Variants in COL24A1 observed in about 807,000 individuals in gnomAD.
COL24A1 encodes the protein collagen alpha-1(XXIV) chain.
In COL24A1, 224 loss-of-function variants were observed where a neutral mutation model predicts 253.9. That is an observed-to-expected ratio of 0.88 (90% confidence interval 0.79 to 0.99). The LOEUF (loss-of-function observed/expected upper bound fraction) is 0.99, where lower values mean the gene tolerates loss of function less well. Ranked by LOEUF, COL24A1 falls within the 50% of genes least tolerant of loss-of-function variation. COL24A1 has a pLI of 0.00. For synonymous variants in COL24A1, 685 were observed against 673.7 expected, an observed-to-expected ratio of 1.02 and a Z score of -0.26; for missense variants, 2,131 against 2,068.5, an observed-to-expected ratio of 1.03 and a Z score of -0.59.
chr1:85,774,838 A>G (rs2101419117), intron 53 of COL24A1, among the ~76,000 whole-genome samples: 1 of 152,082 alleles, frequency 6.6e-6, no homozygotes, highest in East Asian at 1.9e-4. Flanking sequence ...GGATTCATTG[A>G]TTTCTTGAAG....
At chr1:86,119,321 A>G (rs1430057400) in intron 3 of COL24A1, among the ~76,000 whole-genome samples, 1 of 144,960 alleles carries the variant, frequency 6.9e-6, no homozygotes, top group Non-Finnish European at 1.5e-5. Context: ...CCTTGGATAC[A>G]TATTAGTCTT....
chr1:85,907,109 A>G (rs769645710), intron 28 of COL24A1, 85 bp downstream of exon 28: 11 of 1,044,274 alleles, frequency 1.1e-5, no homozygotes, highest in African/African-American at 3.1e-5. Context: ...TCTAGAAGGT[A>G]TGATGCTATT....
In COL24A1 at chr1:85,959,311, T is replaced by C. The variant is rs551317691; in HGVS notation, c.2562+1938A>G. Among the ~76,000 whole-genome samples the C allele has an allele frequency of 3.3e-5, 5 of 152,256 alleles. No individual in the cohort carries two copies. In the East Asian group the frequency reaches 7.7e-4, roughly 23 times the overall value. On this transcript the variant is annotated intron_variant, in intron 24 of 59. Transcript: ENST00000370571. ...TTTTTAAAGAAGGCTTCATGTGCCA[T>C]CCTTAACAAGAAAGATAGAATCTCA...
chr1:85,990,004 G>C (rs571648929), intron 19 of COL24A1, among the ~76,000 whole-genome samples: 47 of 152,270 alleles, frequency 3.1e-4, no homozygotes, highest in African/African-American at 1.1e-3. Context: ...TTTGAGTGCA[G>C]TTTTATGTTA....
rs775488559 is a variant in COL24A1, at chr1:86,124,932, C to T, written c.1404G>A (p.Glu468=). 3 of 1,611,944 alleles carry T rather than the reference C, an allele frequency of 1.9e-6. No homozygotes were observed. Among genetic ancestry groups the T allele is most frequent in the African/African-American group, 2.7e-5 (2 of 74,646 alleles). Residue 468 remains glutamate, a synonymous_variant, in exon 3 of 60, where the codon GAG becomes GAA. Coordinates refer to ENST00000370571, the MANE Select transcript of COL24A1 (RefSeq NM_152890.7). The part of the protein sequence containing the change: ...TYPIENSYET[E]LYDYYYYEDL... ...CCTCATAATAATAATAATCATAAAG[C>T]TCAGTTTCATAGCTATTTTCGATGG... is the stretch of plus-strand genomic sequence containing the variant.
rs191948513 is a variant in COL24A1 at position 85,908,837 on chromosome 1, A to G, written c.2671-186T>C. Reference sequence around the variant, plus strand: ...AGATAGACCATAGAAATAAAAAAAAATTTTCTGTAGTTTTATTTACATAGA... The same window carrying G: ...AGATAGACCATAGAAATAAAAAAAAGTTTTCTGTAGTTTTATTTACATAGA... On this transcript the variant is annotated intron_variant, in intron 26 of 59. Coordinates refer to ENST00000370571, the MANE Select transcript of COL24A1 (RefSeq NM_152890.7). Among the ~76,000 whole-genome samples, 42 of 151,884 alleles carry G rather than the reference A, an allele frequency of 2.8e-4. 1 individual carries two copies. In the East Asian group the frequency reaches 7.5e-3, roughly 27 times the overall value.
intron 20 of COL24A1, among the ~76,000 whole-genome samples, chr1:85,979,228 T>G (rs1186591404): frequency 6.6e-6 from 1 of 151,812 alleles, no homozygotes; most frequent in Non-Finnish European, 1.5e-5. Context: ...AATGCCTATA[T>G]CAAAAAGTCT....
intron 52 of COL24A1, among the ~76,000 whole-genome samples, chr1:85,780,516 A>G (rs753998149): frequency 5.3e-5 from 8 of 152,024 alleles, no homozygotes; most frequent in East Asian, 1.9e-4. Context: ...TAATACCTCA[A>G]TTTCCTCTCC....
chr1:85,742,243 T>C (rs958907091), intron 57 of COL24A1, among the ~76,000 whole-genome samples: 1 of 151,530 alleles, frequency 6.6e-6, no homozygotes, highest in Non-Finnish European at 1.5e-5. Context: ...GTGATTCTCC[T>C]GCCTCAGCCT....
rs757064306 is a variant in COL24A1 at position 85,961,249 on chromosome 1, T to G, written c.2562A>C (p.Thr854=). The change falls in exon 24 of 60, where the codon ACA becomes ACC. Residue 854 remains threonine (T), a splice_region_variant and synonymous_variant. Transcript: ENST00000370571. ...DQGNIGKIGE[T]GPVGLPGEVG... ...AAATAAGAGCATAAAATAAGCTTACTGTTTCACCAATTTTTCCAATATTTC... is the reference window on the plus strand; with the variant it reads ...AAATAAGAGCATAAAATAAGCTTACGGTTTCACCAATTTTTCCAATATTTC... The G allele has an allele frequency of 5.0e-6, 8 of 1,597,462 alleles. No individual in the cohort carries two copies. The South Asian group carries it at 7.7e-5, about 15-fold the overall frequency.
At chr1:85,843,219 T>C (rs971780211) in intron 39 of COL24A1, among the ~76,000 whole-genome samples, 2 of 152,278 alleles carry the variant, frequency 1.3e-5, no homozygotes, top group African/African-American at 4.8e-5. Flanking sequence ...ATCATAGTGC[T>C]TCACTATATT....
At chr1:85,922,427 G>A (rs987114495) in intron 24 of COL24A1, among the ~76,000 whole-genome samples, 1 of 152,164 alleles carries the variant, frequency 6.6e-6, no homozygotes, top group Non-Finnish European at 1.5e-5. Context: ...AGAAAGGTCA[G>A]GTTAACCACA....
intron 59 of COL24A1, among the ~76,000 whole-genome samples, chr1:85,731,358 T>G (rs937906827): frequency 6.6e-6 from 1 of 152,344 alleles, no homozygotes; most frequent in East Asian, 1.9e-4. Context: ...ATTTAGGAGC[T>G]AATTCACTTA....
rs920452341 is a variant in COL24A1, at chr1:85,873,151, G to C, written c.3138+1498C>G. Among the ~76,000 whole-genome samples, 11 of 152,302 alleles carry C rather than the reference G, an allele frequency of 7.2e-5. No homozygotes were observed. In the East Asian group the frequency reaches 1.9e-3, roughly 27 times the overall value. ...CACAATGAGATACCATCTCACACCAGTTAGAATGGCGATCATTAAAAAGTC... is the reference window on the plus strand; with the variant it reads ...CACAATGAGATACCATCTCACACCACTTAGAATGGCGATCATTAAAAAGTC... On this transcript the variant is annotated intron_variant, in intron 35 of 59. Coordinates refer to ENST00000370571, the MANE Select transcript of COL24A1 (RefSeq NM_152890.7).
chr1:85,902,116 A>G (rs184984918), intron 28 of COL24A1, among the ~76,000 whole-genome samples: 2 of 152,328 alleles, frequency 1.3e-5, no homozygotes, highest in African/African-American at 4.8e-5. Context: ...CAAATGCCAC[A>G]TGTTCTCACT....
intron 53 of COL24A1, among the ~76,000 whole-genome samples, chr1:85,773,672 G>A (rs953870547): frequency 6.6e-6 from 1 of 152,072 alleles, no homozygotes; most frequent in African/African-American, 2.4e-5. Flanking sequence ...CTCTCTATTT[G>A]TCTGTTATTG....
At chr1:85,816,687 A>AGCCAAT in intron 47 of COL24A1, 101 bp downstream of exon 47, 1 of 949,942 alleles carries the variant, frequency 1.1e-6, no homozygotes, top group Non-Finnish European at 1.7e-6. Flanking sequence ...GCTTAATCTG[A>AGCCAAT]GCCAATGCCA....
intron 37 of COL24A1, among the ~76,000 whole-genome samples, chr1:85,860,032 T>G (rs1678958019): frequency 6.8e-6 from 1 of 146,516 alleles, no homozygotes; most frequent in South Asian, 2.1e-4. Flanking sequence ...TTGGTGTTGC[T>G]TACTAATAAA....
intron 43 of COL24A1, among the ~76,000 whole-genome samples, chr1:85,830,155 G>T (rs1366208450): frequency 6.6e-6 from 1 of 152,042 alleles, no homozygotes; most frequent in African/African-American, 2.4e-5. Flanking sequence ...AGGACCCTCA[G>T]CTGCAGGTCT....
Sources: gnomAD v4.1 joint callset for allele counts (sites outside exome capture counted in the v4.1 genomes callset) on GRCh38, gnomAD v4.1.1 for gene constraint, MANE v1.5 for transcripts, NCBI Gene and HGNC (gene_info 2026-07-23, HGNC 2026-07-21) for gene names.